Variants in MND1 observed in about 807,000 individuals in gnomAD.
The protein encoded by MND1 is meiotic nuclear division protein 1 homolog.
Under a neutral mutation model 35.1 loss-of-function variants are expected in MND1, and 28 were observed. The ratio of observed to expected loss-of-function variants is 0.80; its 90% CI spans 0.59 to 1.09. MND1 has a LOEUF of 1.09. Ranked by LOEUF, MND1 falls within the 50% of genes least tolerant of loss-of-function variation. The pLI, the probability that MND1 is intolerant of heterozygous loss-of-function variation, is 0.00. For synonymous variants in MND1, 69 were observed against 70.5 expected (o/e 0.98, Z 0.11); for missense variants, 213 against 239.6 (o/e 0.89, Z 0.73).
At chr4:153,402,231 T>A (rs1269165854) in intron 6 of MND1, among the ~76,000 whole-genome samples, 1 of 152,228 alleles carries the variant, frequency 6.6e-6, no homozygotes, top group Non-Finnish European at 1.5e-5. Flanking sequence ...AATTTTTTAA[T>A]TTAGCTATTC....
intron 4 of MND1, chr4:153,362,964 T>C (rs1773531891): frequency 1.0e-6 from 1 of 979,544 alleles, no homozygotes; most frequent in African/African-American, 1.8e-5. Context: ...ATGGCATGGA[T>C]TGAGAGATTT....
At chr4:153,385,784 CCATTTCTCTG>C in intron 4 of MND1, among the ~76,000 whole-genome samples, 1 of 151,666 alleles carries the variant, frequency 6.6e-6, no homozygotes, top group Non-Finnish European at 1.5e-5. Flanking sequence ...GACTCTGACT[CCATTTCTCTG>C]CATTTATCTT....
chr4:153,372,307 A>G (rs1004366429), intron 4 of MND1, among the ~76,000 whole-genome samples: 1 of 151,750 alleles, frequency 6.6e-6, no homozygotes, highest in Non-Finnish European at 1.5e-5. Context: ...GCAGTAAAGC[A>G]AAGCACAATA....
In MND1 at chr4:153,408,933, T is replaced by A. The variant is rs10030031; in HGVS notation, c.467-38T>A. 4,096 of 694,590 alleles carry A rather than the reference T, an allele frequency of 5.9e-3. 55 individuals are homozygous for A. Among genetic ancestry groups the A allele is most frequent in the African/African-American group, 0.036 (1,767 of 49,340 alleles). 43.0% of individuals were successfully genotyped at this position (694,590 alleles called of 1,614,324 possible). ...GTGTGTATATATATATATATATATA[T>A]AAATACATTTCATTTTATATATATA... On this transcript the variant is annotated intron_variant, in intron 6 of 7. Coordinates refer to ENST00000240488, the MANE Select transcript of MND1 (RefSeq NM_032117.4).
intron 1 of MND1, among the ~76,000 whole-genome samples, chr4:153,349,797 A>G (rs957627554): frequency 2.0e-5 from 3 of 152,246 alleles, no homozygotes; most frequent in South Asian, 4.1e-4. Flanking sequence ...TGGAAGGTCA[A>G]TACAGTGGCT....
At chr4:153,350,190 C>A in intron 2 of MND1, 61 bp downstream of exon 2, 1 of 1,166,758 alleles carries the variant, frequency 8.6e-7, no homozygotes. Context: ...TATATGTCAT[C>A]CAATGTTAAC....
At chr4:153,408,883 T>A in intron 6 of MND1, 88 bp from the exon 7 acceptor site, 1 of 415,462 alleles carries the variant, frequency 2.4e-6, no homozygotes, top group Non-Finnish European at 3.7e-6. Context: ...AAAATACAAA[T>A]GTATACATAG....
intron 6 of MND1, among the ~76,000 whole-genome samples, chr4:153,400,386 A>T (rs1300091635): frequency 6.6e-6 from 1 of 152,226 alleles, no homozygotes; most frequent in Non-Finnish European, 1.5e-5. Context: ...TAAAAAATTT[A>T]TTAAAGATTA....
chr4:153,390,989 T>G (rs1037716832), intron 4 of MND1, among the ~76,000 whole-genome samples: 1 of 152,002 alleles, frequency 6.6e-6, no homozygotes, highest in Admixed American at 6.6e-5. Context: ...TTAGTAACTT[T>G]TTGGATAATG....
chr4:153,412,484 C>CA (rs1729710144), intron 7 of MND1, among the ~76,000 whole-genome samples: 1 of 138,556 alleles, frequency 7.2e-6, no homozygotes, highest in Admixed American at 7.4e-5. Context: ...TCCAAATTTC[C>CA]TTTTTTTTTT....
chr4:153,400,124 G>A (rs2149655783), intron 6 of MND1, among the ~76,000 whole-genome samples: 1 of 151,902 alleles, frequency 6.6e-6, no homozygotes, highest in African/African-American at 2.4e-5. Flanking sequence ...TGCCCAGCTG[G>A]TCTCGAACTC....
In MND1 at chr4:153,387,688, C is replaced by T. The variant is rs188631043; in HGVS notation, c.277-6574C>T. 5.0e-3 allele frequency among the ~76,000 whole-genome samples: 765 copies of T among 152,128 alleles called. 4 individuals are homozygous for T. Among genetic ancestry groups the T allele is most frequent in the African/African-American group, 0.017 (722 of 41,468 alleles). On this transcript the variant is annotated intron_variant, in intron 4 of 7. Transcript: ENST00000240488. ...GGCTGAGGCGGGAAGATTGCTTGAG[C>T]CTGGGAGATCATGATCACACCACTA... is the stretch of plus-strand genomic sequence containing the variant.
chr4:153,351,274 A>G (rs150102878), intron 2 of MND1, among the ~76,000 whole-genome samples: 82 of 152,346 alleles, frequency 5.4e-4, no homozygotes, highest in African/African-American at 1.9e-3. Context: ...TTCTAACTGA[A>G]AAATTTTAAA....
chr4:153,378,308 G>T (rs1296487638), intron 4 of MND1, among the ~76,000 whole-genome samples: 1 of 152,012 alleles, frequency 6.6e-6, no homozygotes, highest in East Asian at 1.9e-4. Flanking sequence ...AATACATATT[G>T]TATAGAAATA....
rs184943183 is a variant in MND1, at chr4:153,345,318, G to A, written c.3+578G>A. 1.2e-3 allele frequency: 1,154 copies of A among 985,344 alleles called. 1 individual carries two copies. The highest frequency in any genetic ancestry group is 2.6e-3 in the Middle Eastern group (5 of 1,914). The allele number at this position is 985,344 out of a possible 1,614,324, so 61.0% of individuals were successfully genotyped here. ...GCACATTCCAGAACTGCTCAGTTTC[G>A]AGTTACCTAATGGATCTTCACTGTG... On this transcript the variant is annotated intron_variant, in intron 1 of 7. Transcript: ENST00000240488.
chr4:153,358,443 T>C, intron 3 of MND1, 31 bp from the exon 4 acceptor site: 5 of 1,501,418 alleles, frequency 3.3e-6, no homozygotes, highest in Non-Finnish European at 4.5e-6. Context: ...GGTGTTTTTC[T>C]AACATAGAGT....
At chr4:153,391,724 T>TACACACACACACACA (rs1729039503) in intron 4 of MND1, among the ~76,000 whole-genome samples, 3 of 58,852 alleles carry the variant, frequency 5.1e-5, no homozygotes, top group Non-Finnish European at 9.0e-5. Context: ...TGAAACTCCA[T>TACACACACACACACA]CATACACACA....
chr4:153,350,713 G>A (rs1490919479), intron 2 of MND1, among the ~76,000 whole-genome samples: 1 of 152,142 alleles, frequency 6.6e-6, no homozygotes, highest in African/African-American at 2.4e-5. Context: ...ACAGCCTACT[G>A]TCTCATGGCT....
intron 4 of MND1, among the ~76,000 whole-genome samples, chr4:153,376,291 G>C (rs938601209): frequency 6.6e-6 from 1 of 152,178 alleles, no homozygotes; most frequent in Non-Finnish European, 1.5e-5. Flanking sequence ...ATGTGTGTTT[G>C]TGGGTGTGTG....
Sources: allele counts gnomAD v4.1 joint callset (sites outside exome capture counted in the v4.1 genomes callset), GRCh38; gene constraint gnomAD v4.1.1; transcripts MANE v1.5; gene names NCBI Gene and HGNC (gene_info 2026-07-23, HGNC 2026-07-21).